CECR2: variants seen among roughly 807,000 people sequenced by gnomAD.
CECR2 encodes the protein CECR2 histone acetyl-lysine reader.
A neutral mutation model predicts 154.5 loss-of-function variants in CECR2; 30 were observed. That is an observed-to-expected ratio of 0.19 (90% CI 0.15 to 0.26). The LOEUF (loss-of-function observed/expected upper bound fraction) is 0.26. CECR2 is among the 10% of genes least tolerant of loss of function. CECR2 has a pLI of 1.00. For missense variants in CECR2, 1,743 were observed against 1,829.3 expected (o/e 0.95, Z 0.86); for synonymous variants, 725 against 683.7 (o/e 1.06, Z -0.94).
intron 1 of CECR2, among the ~76,000 whole-genome samples, chr22:17,363,472 T>C (rs2146421292): frequency 6.6e-6 from 1 of 152,180 alleles, no homozygotes; most frequent in South Asian, 2.1e-4. Context: ...CCTCCCAAAG[T>C]GGTGGAATTA....
chr22:17,382,666 A>C (rs1434048483), intron 1 of CECR2, among the ~76,000 whole-genome samples: 1 of 152,168 alleles, frequency 6.6e-6, no homozygotes, highest in Admixed American at 6.6e-5. Flanking sequence ...ACACTTTGGG[A>C]GGCTGAGGCT....
At chr22:17,449,004 G>A (rs536917126) in intron 1 of CECR2, among the ~76,000 whole-genome samples, 88 of 151,868 alleles carry the variant, frequency 5.8e-4, no homozygotes, top group South Asian at 1.7e-3. Flanking sequence ...TCAGCCTCCC[G>A]AGTAGCTGGG....
chr22:17,463,676 G>A (rs1303367545), intron 1 of CECR2, among the ~76,000 whole-genome samples: 2 of 152,098 alleles, frequency 1.3e-5, no homozygotes, highest in Non-Finnish European at 1.5e-5. Flanking sequence ...TTAAGTTTGC[G>A]CTGCCTGTTT....
chr22:17,552,180 C>T (rs2056719351), intron 18 of CECR2, 38 bp downstream of exon 18: 1 of 1,553,324 alleles, frequency 6.4e-7, no homozygotes, highest in Non-Finnish European at 8.9e-7. Context: ...TCTTCTTCCT[C>T]CAGGTGGTAG....
chr22:17,398,017 A>G (rs2053838520), intron 1 of CECR2, among the ~76,000 whole-genome samples: 1 of 152,084 alleles, frequency 6.6e-6, no homozygotes, highest in Non-Finnish European at 1.5e-5. Context: ...CTTAGCTTGC[A>G]TGGGGAGGAA....
Position 17,393,053 on chromosome 22 carries a change from C to T in CECR2, c.126+23144C>T, listed in dbSNP as rs756688933. Among the ~76,000 whole-genome samples the T allele has an allele frequency of 5.3e-5, 8 of 152,040 alleles. No individual in the cohort carries two copies. In the South Asian group the frequency reaches 8.3e-4, roughly 16 times the overall value. On this transcript the variant is annotated intron_variant, in intron 1 of 18. Transcript: ENST00000262608. ...AGACTCTGTCTCAGAAAATAGTGTT[C>T]CAGTTAGTGGGTTTTAGTATATTTA...
chr22:17,392,324 C>G (rs763915387), intron 1 of CECR2, among the ~76,000 whole-genome samples: 78 of 152,062 alleles, frequency 5.1e-4, no homozygotes, highest in Admixed American at 2.4e-3. Flanking sequence ...AACCCTGTCT[C>G]TACTAAAAAT....
chr22:17,517,676 A>G lies in CECR2; in HGVS notation c.954+5780A>G, dbSNP rs753864063. Reference sequence around the variant, plus strand: ...TTCATACACTGAAGCCAGTACGTATACCTAGCATTGCTTTTCAGCCTAAAC... The same window carrying G: ...TTCATACACTGAAGCCAGTACGTATGCCTAGCATTGCTTTTCAGCCTAAAC... On this transcript the variant is annotated intron_variant, in intron 8 of 18. Coordinates refer to ENST00000262608, the MANE Select transcript of CECR2 (RefSeq NM_001290047.2). 5.3e-4 allele frequency among the ~76,000 whole-genome samples: 80 copies of G among 152,200 alleles called. 1 individual carries two copies. The highest frequency in any genetic ancestry group is 1.1e-3 in the Non-Finnish European group (75 of 68,036).
intron 1 of CECR2, among the ~76,000 whole-genome samples, chr22:17,468,625 A>T (rs553076915): frequency 6.6e-6 from 1 of 152,112 alleles, no homozygotes; most frequent in South Asian, 2.1e-4. Context: ...CTGCAATGAG[A>T]TCATACCACT....
At chr22:17,367,426 C>T, upstream of CECR2, among the ~76,000 whole-genome samples, 1 of 152,032 alleles carries the variant, frequency 6.6e-6, no homozygotes, top group Non-Finnish European at 1.5e-5. Flanking sequence ...ACTCTTACTG[C>T]TCAGGCTGGA....
At position 17,544,441 on chromosome 22, in the gene CECR2, T is replaced by G. The variant is rs541328700; in HGVS notation, c.2860+1438T>G. 1.4e-3 allele frequency among the ~76,000 whole-genome samples: 195 copies of G among 136,882 alleles called. 1 individual carries two copies. The highest frequency in any genetic ancestry group is 4.8e-3 in the African/African-American group (171 of 35,466). 89.8% of individuals were successfully genotyped at this position (136,882 alleles called of 152,430 possible). A position where few individuals can be genotyped will look rare whatever the true frequency, so the allele number is the denominator to read the frequency against. ...TGAACCTGGGAGGGAGAGGTTGCAG[T>G]GAGCCGAGATTGTGCCACTGCACTC... On this transcript the variant is annotated intron_variant, in intron 16 of 18. Transcript: ENST00000262608.
intron 2 of CECR2, among the ~76,000 whole-genome samples, chr22:17,484,625 G>T: frequency 6.6e-6 from 1 of 151,928 alleles, no homozygotes; most frequent in East Asian, 1.9e-4. Flanking sequence ...AGGAGGTCTG[G>T]CGCAACGTCT....
intron 2 of CECR2, among the ~76,000 whole-genome samples, chr22:17,484,198 G>T (rs1264338901): frequency 6.6e-6 from 1 of 152,086 alleles, no homozygotes; most frequent in Non-Finnish European, 1.5e-5. Context: ...GCTATTTTAG[G>T]CCCTCACTTG....
intron 1 of CECR2, among the ~76,000 whole-genome samples, chr22:17,469,875 C>A (rs1557622): frequency 3.3e-5 from 5 of 152,020 alleles, no homozygotes; most frequent in Admixed American, 2.6e-4. Flanking sequence ...TCTGCCGTGG[C>A]GTCCATCACA....
In CECR2 at chr22:17,484,795, T is replaced by G. The variant is rs1445324016; in HGVS notation, c.221+7113T>G. Among the ~76,000 whole-genome samples the G allele has an allele frequency of 2.6e-5, 4 of 152,250 alleles. No individual in the cohort carries two copies. The East Asian group carries it at 5.8e-4, about 22-fold the overall frequency. ...CTGTAGGCTGAGGCATGAGAATTGC[T>G]TGAACCTGGAAGGCAGAGGTTGCAG... On this transcript the variant is annotated intron_variant, in intron 2 of 18. Transcript: ENST00000262608.
chr22:17,449,731 T>C (rs1193123506), intron 1 of CECR2, among the ~76,000 whole-genome samples: 2 of 152,174 alleles, frequency 1.3e-5, no homozygotes, highest in East Asian at 1.9e-4. Flanking sequence ...CCTCGTGATC[T>C]GCCCGCCTCG....
At chr22:17,494,042 C>A (rs1264657090) in intron 2 of CECR2, among the ~76,000 whole-genome samples, 2 of 152,254 alleles carry the variant, frequency 1.3e-5, no homozygotes, top group Admixed American at 1.3e-4. Context: ...TTGTCTTCTA[C>A]ACACTTCTGG....
At chr22:17,420,112 G>A (rs1488072287) in intron 1 of CECR2, among the ~76,000 whole-genome samples, 3 of 152,202 alleles carry the variant, frequency 2.0e-5, no homozygotes, top group African/African-American at 7.2e-5. Context: ...TAAACCAGAG[G>A]GGGGTTGGTC....
chr22:17,549,840 G>T (rs1385229954), intron 17 of CECR2, among the ~76,000 whole-genome samples: 1 of 136,080 alleles, frequency 7.3e-6, no homozygotes, highest in Non-Finnish European at 1.5e-5. Context: ...TGCCCAGGCT[G>T]GTCCTAGTCT....
Sources: allele counts gnomAD v4.1 joint callset (sites outside exome capture counted in the v4.1 genomes callset), GRCh38; gene constraint gnomAD v4.1.1; transcripts MANE v1.5; gene names NCBI Gene and HGNC (gene_info 2026-07-23, HGNC 2026-07-21).